Variants in WNT11 observed in about 807,000 individuals in gnomAD.
WNT11 encodes the protein Wnt family member 11, also known as protein Wnt-11.
In WNT11, 20 loss-of-function variants were observed where a neutral mutation model predicts 35.6. That is an observed-to-expected ratio of 0.56 (90% CI 0.40 to 0.82). The LOEUF (loss-of-function observed/expected upper bound fraction) is 0.82. Ranked by LOEUF, WNT11 falls within the 40% of genes least tolerant of loss-of-function variation. The probability of loss-of-function intolerance (pLI) is 0.00; values close to 1 mark genes in which losing one functional copy is unlikely to be tolerated. For synonymous variants in WNT11, 200 were observed against 211.9 expected, an observed-to-expected ratio of 0.94 and a Z score of 0.49; for missense variants, 459 against 504.4, an observed-to-expected ratio of 0.91 and a Z score of 0.86.
intron 1 of WNT11, among the ~76,000 whole-genome samples, chr11:76,203,674 C>A (rs1025661018): frequency 4.6e-5 from 7 of 152,220 alleles, no homozygotes; most frequent in African/African-American, 1.7e-4. Flanking sequence ...CTCCCCAGCC[C>A]CCATCCCACC....
Position 76,191,814 on chromosome 11 carries a change from C to T in WNT11, c.640G>A (p.Val214Met), listed in dbSNP as rs965246988. ...SLEMKCKCHG[V>M]SGSCSIRTCW... ...GTGCGGATGGAGCAGGAGCCAGACA[C>T]CCCATGGCACTTACACTTCATTTCC... Residue 214 changes from valine (V) to methionine (M), a missense_variant, in exon 4 of 5, where the codon GTG becomes ATG. Physicochemically the swap from Val to Met is conservative, Grantham distance 21. Coordinates refer to ENST00000322563, the MANE Select transcript of WNT11 (RefSeq NM_004626.3). 5.0e-6 allele frequency: 8 copies of T among 1,608,216 alleles called. No individual in the cohort carries two copies. The highest frequency in any genetic ancestry group is 3.3e-5 in the South Asian group (3 of 91,082).
At chr11:76,210,361 C>T, upstream of WNT11, 1 of 926,168 alleles carries the variant, frequency 1.1e-6, no homozygotes, top group Non-Finnish European at 1.3e-6. Flanking sequence ...GAGTGGGTGC[C>T]CAAGGGGGTC....
intron 1 of WNT11, among the ~76,000 whole-genome samples, chr11:76,197,312 C>A (rs191373163): frequency 1.6e-4 from 24 of 152,358 alleles, no homozygotes; most frequent in African/African-American, 5.5e-4. Context: ...TAAAGAGCCA[C>A]TCAGTTTTGT....
upstream of WNT11, among the ~76,000 whole-genome samples, chr11:76,208,549 C>T (rs1196053262): frequency 6.6e-6 from 1 of 152,114 alleles, no homozygotes; most frequent in African/African-American, 2.4e-5. Context: ...ACTCCAGTCA[C>T]CGTCTTCCCC....
At chr11:76,208,947 G>GC (rs997731267), upstream of WNT11, among the ~76,000 whole-genome samples, 4 of 152,104 alleles carry the variant, frequency 2.6e-5, no homozygotes, top group African/African-American at 7.2e-5. Flanking sequence ...GCCTCCTGAA[G>GC]CCCCCAGCCC....
At chr11:76,197,105 A>C (rs1953300207) in intron 1 of WNT11, among the ~76,000 whole-genome samples, 2 of 152,224 alleles carry the variant, frequency 1.3e-5, no homozygotes, top group Admixed American at 1.3e-4. Flanking sequence ...TTCATTCAAC[A>C]CTGAGCAGCT....
chr11:76,188,972 T>A (rs1297861758), intron 4 of WNT11, among the ~76,000 whole-genome samples: 17 of 152,100 alleles, frequency 1.1e-4, no homozygotes, highest in Admixed American at 1.0e-3. Context: ...GAAGGGGCCA[T>A]GGGCAGAAGG....
At position 76,194,180 on chromosome 11, in the gene WNT11, G is replaced by T. The variant is rs929122611; in HGVS notation, c.597+387C>A. Among the ~76,000 whole-genome samples, 3 of 151,970 alleles carry T rather than the reference G, an allele frequency of 2.0e-5. No individual in the cohort carries two copies. The highest frequency in any genetic ancestry group is 2.1e-4 in the South Asian group (1 of 4,818). On this transcript the variant is annotated intron_variant, in intron 3 of 4. Coordinates refer to ENST00000322563, the MANE Select transcript of WNT11 (RefSeq NM_004626.3). The surrounding 1 kb of genome is among the most constrained non-coding windows in gnomAD (Gnocchi z 5.4). ...GAGGGAGGGACAGCTTGAGGAACAT[G>T]ACAGATGGGGACTCAGCACCAGGTC... is the stretch of plus-strand genomic sequence containing the variant.
chr11:76,205,148 C>T (rs1953451688), intron 1 of WNT11, among the ~76,000 whole-genome samples: 1 of 152,188 alleles, frequency 6.6e-6, no homozygotes, highest in African/African-American at 2.4e-5. Context: ...ACGGGGTTCC[C>T]TCCTCGAATC....
chr11:76,193,933 G>A (rs1360903531), intron 3 of WNT11, among the ~76,000 whole-genome samples: 1 of 152,172 alleles, frequency 6.6e-6, no homozygotes. Flanking sequence ...ACCAAACACA[G>A]TGTCTGCAAC....
intron 3 of WNT11, among the ~76,000 whole-genome samples, chr11:76,192,816 C>T (rs1953206522): frequency 6.6e-6 from 1 of 152,186 alleles, no homozygotes; most frequent in African/African-American, 2.4e-5. Flanking sequence ...CTTTTAAACC[C>T]TTCTTTCAAC....
intron 1 of WNT11, among the ~76,000 whole-genome samples, chr11:76,203,293 C>A (rs1420476458): frequency 1.3e-5 from 2 of 152,224 alleles, no homozygotes; most frequent in African/African-American, 4.8e-5. Context: ...CCTTGCAGTC[C>A]CAGTCTGGCG....
Position 76,186,684 on chromosome 11 carries a change from G to T in WNT11, c.*381C>A. 5.5e-6 allele frequency: 2 copies of T among 361,972 alleles called. No individual in the cohort carries two copies. Among genetic ancestry groups the T allele is most frequent in the Non-Finnish European group, 1.1e-5 (2 of 182,634 alleles). The allele number at this position is 361,972 out of a possible 1,614,324, so 22.4% of individuals were successfully genotyped here. ...GCTCAGACCCCAGGGTGGGCCAGGG[G>T]GTCCCGCAGAACATTCTGAAGAAGG... On this transcript the variant is annotated 3_prime_UTR_variant, in exon 5 of 5. Transcript: ENST00000322563.
At chr11:76,190,375 C>G (rs769657374) in intron 4 of WNT11, among the ~76,000 whole-genome samples, 46 of 152,138 alleles carry the variant, frequency 3.0e-4, no homozygotes, top group Non-Finnish European at 5.3e-4. Context: ...GCCTCTGGCT[C>G]CTTCCTGTCT....
chr11:76,196,619 G>A lies in WNT11; in HGVS notation c.183C>T (p.Ser61=). The A allele has an allele frequency of 2.5e-6, 4 of 1,613,710 alleles. No individual in the cohort carries two copies. In the African/African-American group the frequency reaches 4.0e-5, roughly 16 times the overall value. Residue 61 remains serine (S), a synonymous_variant, in exon 2 of 5, where the codon AGC becomes AGT. Coordinates refer to ENST00000322563, the MANE Select transcript of WNT11 (RefSeq NM_004626.3). ...CCACCGTGTGCATGAGCTCCAGGTT[G>A]CTGCGGCACAGCTGCACCTGTGCAG... ...LVSAQVQLCR[S]NLELMHTVVH... is the part of the protein sequence containing the mutation.
intron 4 of WNT11, 82 bp from the exon 5 acceptor site, chr11:76,187,321 G>A (rs1446562021): frequency 1.2e-5 from 16 of 1,378,252 alleles, no homozygotes; most frequent in South Asian, 3.3e-5. Flanking sequence ...CCAGGCAGCC[G>A]GCAGCGTCTC....
At chr11:76,191,916 G>T in intron 3 of WNT11, 60 bp from the exon 4 acceptor site, 1 of 1,532,326 alleles carries the variant, frequency 6.5e-7, no homozygotes, top group South Asian at 1.3e-5. Flanking sequence ...CCTGACCCGG[G>T]ACCCCAGCCC....
In WNT11 at chr11:76,194,767, C is replaced by G. The variant is rs199678134; in HGVS notation, c.397G>C (p.Gly133Arg). Reference sequence around the variant, plus strand: ...CCGCAGGAGCAGCCGGGCAGGTCGCCGGAGGTGCAGGCCCGGGCGATGGCG... The same window carrying G: ...CCGCAGGAGCAGCCGGGCAGGTCGCGGGAGGTGCAGGCCCGGGCGATGGCG... ...SHAIARACTSGDLPGCSCGPV... is the reference protein window; with the variant it reads ...SHAIARACTSRDLPGCSCGPV... Residue 133 changes from glycine (G) to arginine (R), a missense_variant, in exon 3 of 5, where the codon GGC becomes CGC. Physicochemically the swap from Gly to Arg is moderately radical, Grantham distance 125 (BLOSUM62 -2). Coordinates refer to ENST00000322563, the MANE Select transcript of WNT11 (RefSeq NM_004626.3). The surrounding 1 kb of genome is among the most constrained non-coding windows in gnomAD (Gnocchi z 5.4). 2 of 1,556,678 alleles carry G rather than the reference C, an allele frequency of 1.3e-6. No individual in the cohort carries two copies. Among genetic ancestry groups the G allele is most frequent in the Middle Eastern group, 2.2e-4 (1 of 4,488 alleles).
chr11:76,188,042 C>A (rs1456013612), intron 4 of WNT11, among the ~76,000 whole-genome samples: 7 of 152,190 alleles, frequency 4.6e-5, no homozygotes, highest in African/African-American at 1.7e-4. Context: ...CATATTTAAT[C>A]TTTAATTAAA....
Sources: gnomAD v4.1 joint callset for allele counts (sites outside exome capture counted in the v4.1 genomes callset) on GRCh38, gnomAD v4.1.1 for gene constraint, Gnocchi (gnomAD v3.1) non-coding constraint, MANE v1.5 for transcripts, NCBI Gene and HGNC (gene_info 2026-07-23, HGNC 2026-07-21) for gene names.